SHANK2: variants seen among roughly 807,000 people sequenced by gnomAD.
SHANK2 encodes SH3 and multiple ankyrin repeat domains protein 2.
SHANK2 carries 43 observed loss-of-function variants against 133.7 expected under a neutral mutation model. The observed-to-expected ratio is 0.32, with a 90% CI of 0.25 to 0.41. The LOEUF (loss-of-function observed/expected upper bound fraction) is 0.41. Among genes scored for constraint, SHANK2 ranks in the 10% least tolerant of loss-of-function variants. The pLI, the probability that SHANK2 is intolerant of heterozygous loss-of-function variation, is 1.00. For synonymous variants in SHANK2, 1,017 were observed against 952.8 expected (o/e 1.07, Z -1.24); for missense variants, 1,994 against 2,235.8 (o/e 0.89, Z 2.18).
intron 3 of SHANK2, among the ~76,000 whole-genome samples, chr11:71,130,814 T>C (rs1201088122): frequency 3.9e-5 from 6 of 152,166 alleles, no homozygotes; most frequent in Non-Finnish European, 8.8e-5. Flanking sequence ...CTATTCAGGA[T>C]CTGGAGCCAG....
At chr11:71,074,358 G>T (rs918613023) in intron 9 of SHANK2, among the ~76,000 whole-genome samples, 1 of 152,204 alleles carries the variant, frequency 6.6e-6, no homozygotes, top group Non-Finnish European at 1.5e-5. Flanking sequence ...GGCACACCCA[G>T]CATGGTTTCA....
rs1298352775 is a variant in SHANK2, at chr11:70,500,373, T to TA, written c.2308+196_2308+197insT. Among the ~76,000 whole-genome samples the TA allele has an allele frequency of 1.3e-5, 2 of 151,900 alleles. No individual in the cohort carries two copies. The highest frequency in any genetic ancestry group is 2.9e-5 in the Non-Finnish European group (2 of 67,996). Reference sequence around the variant, plus strand: ...AAGAAACACAGGACACGCTGGGGAATCACAGACAGAAGCCAAGCAGAAAGA... The same window carrying TA: ...AAGAAACACAGGACACGCTGGGGAATACACAGACAGAAGCCAAGCAGAAAGA... On this transcript the variant is annotated intron_variant, in intron 21 of 25. Coordinates refer to ENST00000601538, the MANE Select transcript of SHANK2 (RefSeq NM_012309.5). This position sits in a 1 kb window ranked among gnomAD's most constrained non-coding sequence, Gnocchi z 4.5.
intron 10 of SHANK2, among the ~76,000 whole-genome samples, chr11:70,950,639 G>A (rs1950820155): frequency 1.3e-5 from 2 of 151,192 alleles, no homozygotes; most frequent in Non-Finnish European, 2.9e-5. Context: ...ACAGGATCTC[G>A]CTCTGTGGCC....
intron 8 of SHANK2, among the ~76,000 whole-genome samples, chr11:71,077,850 A>G (rs1237987511): frequency 4.6e-5 from 7 of 152,174 alleles, no homozygotes; most frequent in African/African-American, 1.7e-4. Context: ...AATACAGTAC[A>G]GGAGAAAACT....
At chr11:70,939,419 A>C (rs1950615090) in intron 10 of SHANK2, among the ~76,000 whole-genome samples, 1 of 152,160 alleles carries the variant, frequency 6.6e-6, no homozygotes, top group Non-Finnish European at 1.5e-5. Context: ...CGGAGGTTGC[A>C]GTGAGCCGAG....
intron 11 of SHANK2, 102 bp downstream of exon 11, chr11:70,896,399 C>G (rs1555075694): frequency 3.2e-6 from 2 of 622,196 alleles, no homozygotes; most frequent in Non-Finnish European, 5.9e-6. Context: ...AAAGCAGGCT[C>G]TAAACCAATC....
intron 2 of SHANK2, among the ~76,000 whole-genome samples, chr11:71,186,201 G>A (rs1227110529): frequency 6.6e-6 from 1 of 152,210 alleles, no homozygotes. Context: ...AAGCACATGG[G>A]AGAACTTCAG....
At chr11:71,136,745 G>T (rs375529624) in intron 3 of SHANK2, among the ~76,000 whole-genome samples, 5 of 152,202 alleles carry the variant, frequency 3.3e-5, no homozygotes, top group East Asian at 3.8e-4. Flanking sequence ...GGTCGTCAGG[G>T]GCTGGAAGTG....
intron 6 of SHANK2, among the ~76,000 whole-genome samples, chr11:71,103,140 G>C (rs1951744883): frequency 6.6e-6 from 1 of 152,194 alleles, no homozygotes; most frequent in African/African-American, 2.4e-5. Flanking sequence ...AGGGGGTTAG[G>C]GTTCAACAGT....
intron 10 of SHANK2, among the ~76,000 whole-genome samples, chr11:70,900,417 G>C (rs920877392): frequency 2.0e-5 from 3 of 151,876 alleles, no homozygotes; most frequent in African/African-American, 7.3e-5. Flanking sequence ...ACTGCAGACT[G>C]CTCTTTGTAA....
At chr11:71,099,774 T>C (rs933106670) in intron 6 of SHANK2, among the ~76,000 whole-genome samples, 1 of 152,152 alleles carries the variant, frequency 6.6e-6, no homozygotes, top group Non-Finnish European at 1.5e-5. Context: ...AATTAGAGGC[T>C]GTGTTCAGTG....
At chr11:70,708,125 G>A (rs1248765925) in intron 14 of SHANK2, among the ~76,000 whole-genome samples, 6 of 152,220 alleles carry the variant, frequency 3.9e-5, no homozygotes, top group East Asian at 3.9e-4. Context: ...AAGCCCTGGC[G>A]TCCCTAGACC....
chr11:71,143,414 C>A (rs778646870), intron 3 of SHANK2, among the ~76,000 whole-genome samples: 1 of 152,198 alleles, frequency 6.6e-6, no homozygotes, highest in Admixed American at 6.5e-5. Context: ...TCGCACAAAA[C>A]AGCCAAAGGT....
chr11:70,596,588 C>T (rs782431712), intron 17 of SHANK2, among the ~76,000 whole-genome samples: 18 of 152,128 alleles, frequency 1.2e-4, no homozygotes, highest in Admixed American at 2.6e-4. Flanking sequence ...AATCCTGATG[C>T]GGGGGGGCGG....
intron 15 of SHANK2, among the ~76,000 whole-genome samples, chr11:70,670,832 G>T (rs1944786034): frequency 6.6e-6 from 1 of 152,164 alleles, no homozygotes; most frequent in Non-Finnish European, 1.5e-5. Context: ...TGCACGGAGG[G>T]GACTCCTCCT....
At chr11:70,501,405 C>CA (rs2059049425) in intron 20 of SHANK2, among the ~76,000 whole-genome samples, 1 of 152,248 alleles carries the variant, frequency 6.6e-6, no homozygotes, top group Non-Finnish European at 1.5e-5. Context: ...CTCAACCCCC[C>CA]AGGCCAGCTG....
chr11:70,784,051 C>G (rs1947579828), intron 14 of SHANK2, among the ~76,000 whole-genome samples: 2 of 152,292 alleles, frequency 1.3e-5, no homozygotes, highest in South Asian at 4.1e-4. Context: ...TGCCTGAAGG[C>G]CCCAAGGGTG....
At chr11:71,085,562 T>C (rs1468049336) in intron 8 of SHANK2, among the ~76,000 whole-genome samples, 1 of 60,312 alleles carries the variant, frequency 1.7e-5, no homozygotes, top group African/African-American at 5.8e-5. Context: ...TATTATATTA[T>C]ATAAAATATA....
intron 11 of SHANK2, among the ~76,000 whole-genome samples, chr11:70,862,017 G>A (rs1421390636): frequency 6.6e-6 from 1 of 152,096 alleles, no homozygotes; most frequent in Non-Finnish European, 1.5e-5. Flanking sequence ...AACCTGGGAA[G>A]GATCCTGTCG....
Sources: gnomAD v4.1 joint callset for allele counts (sites outside exome capture counted in the v4.1 genomes callset) on GRCh38, gnomAD v4.1.1 for gene constraint, Gnocchi (gnomAD v3.1) non-coding constraint, MANE v1.5 for transcripts, NCBI Gene and HGNC (gene_info 2026-07-23, HGNC 2026-07-21) for gene names.